SNAP91: variants seen among roughly 807,000 people sequenced by gnomAD.
The protein encoded by SNAP91 is synaptosome associated protein 91.
SNAP91 carries 27 observed loss-of-function variants against 100.3 expected under a neutral mutation model. That is an observed-to-expected ratio of 0.27 (90% CI 0.20 to 0.37). The LOEUF is 0.37. SNAP91 is among the 10% of genes least tolerant of loss of function. SNAP91 has a pLI of 1.00. For synonymous variants in SNAP91, 404 were observed against 398.6 expected (o/e 1.01, Z -0.16); for missense variants, 986 against 1,123.7 (o/e 0.88, Z 1.75).
Position 83,658,995 on chromosome 6 carries a change from A to C in SNAP91, c.546+4T>G. ...TATGAAACATTTTCTAGTGAGATAC[A>C]TACATCAAATTCAAGCAGTGCATCA... On this transcript the variant is annotated splice_donor_region_variant and intron_variant, in intron 6 of 29. Transcript: ENST00000369694. The C allele has an allele frequency of 1.3e-6, 2 of 1,587,378 alleles. No homozygotes were observed. The highest frequency in any genetic ancestry group is 2.2e-5 in the East Asian group (1 of 44,482).
Position 83,658,997 on chromosome 6 carries a change from A to G in SNAP91, c.546+2T>C. On this transcript the variant is annotated splice_donor_variant, in intron 6 of 29. Transcript: ENST00000369694. LOFTEE classifies it high-confidence loss of function. ...TGAAACATTTTCTAGTGAGATACAT[A>G]CATCAAATTCAAGCAGTGCATCAAT... 6.3e-7 allele frequency: 1 copy of G among 1,589,392 alleles called. No individual in the cohort carries two copies. Among genetic ancestry groups the G allele is most frequent in the Non-Finnish European group, 8.6e-7 (1 of 1,164,832 alleles).
intron 2 of SNAP91, among the ~76,000 whole-genome samples, chr6:83,695,196 G>A (rs2099184721): frequency 7.5e-6 from 1 of 133,308 alleles, no homozygotes; most frequent in Non-Finnish European, 1.5e-5. Flanking sequence ...AGAATCACCA[G>A]AACCCAGGAG....
intron 28 of SNAP91, 145 bp from the exon 29 acceptor site, chr6:83,556,390 A>G (rs1383904342): frequency 3.6e-5 from 18 of 504,866 alleles, no homozygotes; most frequent in African/African-American, 3.0e-4. Flanking sequence ...AGAGAGAGAG[A>G]GAGAGAAAAG....
chr6:83,568,605 C>G (rs1484687494), intron 26 of SNAP91, among the ~76,000 whole-genome samples: 1 of 152,008 alleles, frequency 6.6e-6, no homozygotes, highest in South Asian at 2.1e-4. Context: ...TGCCAGCAGA[C>G]GTAGTTCAAT....
intron 7 of SNAP91, among the ~76,000 whole-genome samples, chr6:83,645,987 T>C (rs1341747529): frequency 6.6e-6 from 1 of 152,116 alleles, no homozygotes; most frequent in Non-Finnish European, 1.5e-5. Context: ...CATGGATTGA[T>C]ATTGCATTTC....
chr6:83,692,614 T>A (rs2099145825), intron 2 of SNAP91, among the ~76,000 whole-genome samples: 1 of 152,046 alleles, frequency 6.6e-6, no homozygotes. Context: ...GTAGCTAAGA[T>A]CACAGGCAGA....
intron 2 of SNAP91, among the ~76,000 whole-genome samples, chr6:83,665,813 C>A (rs1312365772): frequency 1.3e-5 from 2 of 151,928 alleles, no homozygotes; most frequent in Non-Finnish European, 2.9e-5. Context: ...ACTTAATTTT[C>A]TTCTGTACTC....
chr6:83,645,671 C>T (rs1352889995), intron 7 of SNAP91, among the ~76,000 whole-genome samples: 2 of 151,926 alleles, frequency 1.3e-5, no homozygotes, highest in South Asian at 2.1e-4. Context: ...ACATAGCAAG[C>T]CCCTATGTCT....
chr6:83,577,357 TAA>T (rs1820613210), intron 24 of SNAP91, among the ~76,000 whole-genome samples: 1 of 152,222 alleles, frequency 6.6e-6, no homozygotes, highest in Admixed American at 6.5e-5. Context: ...TTAGTTTTTT[TAA>T]AAGACAAAAT....
At chr6:83,679,379 T>C (rs1267457159) in intron 2 of SNAP91, among the ~76,000 whole-genome samples, 2 of 152,198 alleles carry the variant, frequency 1.3e-5, no homozygotes, top group African/African-American at 4.8e-5. Context: ...AAATGGTTTT[T>C]ACACTTCTTT....
At chr6:83,665,292 A>T in intron 3 of SNAP91, 147 bp downstream of exon 3, 1 of 755,906 alleles carries the variant, frequency 1.3e-6, no homozygotes, top group Non-Finnish European at 2.1e-6. Context: ...GGAGAAGATT[A>T]AACTTGTATT....
At chr6:83,599,482 T>A (rs1156480724) in intron 16 of SNAP91, among the ~76,000 whole-genome samples, 1 of 152,180 alleles carries the variant, frequency 6.6e-6, no homozygotes, top group African/African-American at 2.4e-5. Context: ...AGATTTTAAA[T>A]TAAAACATTT....
At chr6:83,601,518 A>G in intron 15 of SNAP91, 67 bp downstream of exon 15, 1 of 1,611,272 alleles carries the variant, frequency 6.2e-7, no homozygotes, top group Non-Finnish European at 8.5e-7. Flanking sequence ...CAAATGATCA[A>G]AATAAGGACA....
intron 7 of SNAP91, among the ~76,000 whole-genome samples, chr6:83,653,010 A>ATGAT (rs1332337537): frequency 6.6e-6 from 1 of 152,044 alleles, no homozygotes; most frequent in Non-Finnish European, 1.5e-5. Flanking sequence ...TGGCTTTTTC[A>ATGAT]TGATTTATTT....
At chr6:83,662,266 A>G in intron 4 of SNAP91, 81 bp downstream of exon 4, 1 of 468,800 alleles carries the variant, frequency 2.1e-6, no homozygotes, top group Non-Finnish European at 3.8e-6. Flanking sequence ...TGAAGCTATC[A>G]GTTGCAATGA....
At position 83,639,501 on chromosome 6, in the gene SNAP91, T is replaced by C. The variant is rs74839200; in HGVS notation, c.765+1595A>G. Among the ~76,000 whole-genome samples the C allele has an allele frequency of 9.4e-3, 1,438 of 152,314 alleles. 26 individuals carry two copies. The highest frequency in any genetic ancestry group is 0.032 in the African/African-American group (1,344 of 41,564). ...CATAATGTTCAAATAAAAATAATTT[T>C]TAAATTTATTATCCAGTTATTTAAA... On this transcript the variant is annotated intron_variant, in intron 8 of 29. Coordinates refer to ENST00000369694, the MANE Select transcript of SNAP91 (RefSeq NM_001242792.2).
chr6:83,686,665 C>A (rs1433887785), intron 2 of SNAP91, among the ~76,000 whole-genome samples: 1 of 152,222 alleles, frequency 6.6e-6, no homozygotes, highest in Admixed American at 6.5e-5. Context: ...GCAGCTTAAA[C>A]ATCTTTTATG....
At chr6:83,662,490 A>G in intron 3 of SNAP91, 68 bp from the exon 4 acceptor site, 3 of 592,616 alleles carry the variant, frequency 5.1e-6, no homozygotes, top group Non-Finnish European at 8.0e-6. Context: ...TCTGACACTA[A>G]AGCGATTTTT....
At chr6:83,702,524 G>A (rs1288811078) in intron 2 of SNAP91, among the ~76,000 whole-genome samples, 2 of 152,032 alleles carry the variant, frequency 1.3e-5, no homozygotes, top group Non-Finnish European at 2.9e-5. Flanking sequence ...AAGAAATTTA[G>A]ATTTTAATTT....
Sources: allele counts gnomAD v4.1 joint callset (sites outside exome capture counted in the v4.1 genomes callset), GRCh38; gene constraint gnomAD v4.1.1; transcripts MANE v1.5; gene names NCBI Gene and HGNC (gene_info 2026-07-23, HGNC 2026-07-21).